The following SNAP91 variants were observed in gnomAD, a reference collection of about 807,000 sequenced individuals.
The protein encoded by SNAP91 is clathrin coat assembly protein AP180.
Under a neutral mutation model 100.3 loss-of-function variants are expected in SNAP91, and 27 were observed. The ratio of observed to expected loss-of-function variants is 0.27; its 90% CI spans 0.20 to 0.37. The LOEUF (loss-of-function observed/expected upper bound fraction) is 0.37. SNAP91 is among the 10% of genes least tolerant of loss of function. The probability of loss-of-function intolerance (pLI) is 1.00; values close to 1 mark genes in which losing one functional copy is unlikely to be tolerated. For missense variants in SNAP91, 986 were observed against 1,123.7 expected (o/e 0.88, Z 1.75); for synonymous variants, 404 against 398.6 (o/e 1.01, Z -0.16).
chr6:83,695,253 G>C lies in SNAP91; in HGVS notation c.130+12545C>G, dbSNP rs2099185686. Among the ~76,000 whole-genome samples the C allele has an allele frequency of 5.9e-5, 8 of 135,034 alleles. No individual in the cohort carries two copies. The Admixed American group carries it at 6.5e-4, about 11-fold the overall frequency. 88.6% of individuals were successfully genotyped at this position (135,034 alleles called of 152,430 possible). On this transcript the variant is annotated intron_variant, in intron 2 of 29. Coordinates refer to ENST00000369694, the MANE Select transcript of SNAP91 (RefSeq NM_001242792.2). ...GATTGAGCCACTGCACTCCAGCCTG[G>C]GTAACAGAGTGAGGCTCCATCTCAA... is the stretch of plus-strand genomic sequence containing the variant.
At chr6:83,587,321 C>G (rs2092872000) in intron 22 of SNAP91, among the ~76,000 whole-genome samples, 1 of 152,084 alleles carries the variant, frequency 6.6e-6, no homozygotes, top group South Asian at 2.1e-4. Flanking sequence ...TCCCTTTGAA[C>G]AGTCTAAACC....
At chr6:83,707,399 C>T (rs1022903141) in intron 2 of SNAP91, among the ~76,000 whole-genome samples, 3 of 145,604 alleles carry the variant, frequency 2.1e-5, no homozygotes, top group Non-Finnish European at 4.6e-5. Context: ...ATAAATTCAT[C>T]TTTTTTTTTT....
chr6:83,609,127 T>G (rs1250575510), intron 12 of SNAP91, among the ~76,000 whole-genome samples: 1 of 151,902 alleles, frequency 6.6e-6, no homozygotes, highest in African/African-American at 2.4e-5. Context: ...AAAATGAAAC[T>G]CTACAGAAGC....
chr6:83,624,401 T>G (rs961872926), intron 8 of SNAP91, among the ~76,000 whole-genome samples: 1 of 152,108 alleles, frequency 6.6e-6, no homozygotes, highest in Non-Finnish European at 1.5e-5. Flanking sequence ...AAAGTGTATC[T>G]CCTTGAGAAA....
chr6:83,683,225 G>A (rs1459876622), intron 2 of SNAP91, among the ~76,000 whole-genome samples: 2 of 152,016 alleles, frequency 1.3e-5, no homozygotes, highest in Non-Finnish European at 2.9e-5. Flanking sequence ...AATAATGGGT[G>A]TGCCTAAGAT....
At position 83,593,682 on chromosome 6, in the gene SNAP91, T is replaced by A. The variant is rs771199793; in HGVS notation, c.1492A>T (p.Met498Leu). The change falls in exon 18 of 30, where the codon ATG becomes TTG. Residue 498 changes from methionine (M) to leucine (L), a missense_variant. Coordinates refer to ENST00000369694, the MANE Select transcript of SNAP91 (RefSeq NM_001242792.2). The stretch of plus-strand genomic sequence containing the variant: ...GGAACACTGGTCTCAGGTGGCTTCA[T>A]TGCAAAGAGGTCCAGCTCAGGTGCA... ...EAAPELDLFAMKPPETSVPVV... is the reference protein window; with the variant it reads ...EAAPELDLFALKPPETSVPVV... 2 of 1,610,522 alleles carry A rather than the reference T, an allele frequency of 1.2e-6. No individual in the cohort carries two copies. Among genetic ancestry groups the A allele is most frequent in the Admixed American group, 1.7e-5 (1 of 59,934 alleles).
chr6:83,650,213 T>C (rs2098137033), intron 7 of SNAP91, among the ~76,000 whole-genome samples: 2 of 152,212 alleles, frequency 1.3e-5, no homozygotes, highest in South Asian at 4.1e-4. Flanking sequence ...GTAGTTTGCA[T>C]TTTCAATTTG....
chr6:83,678,729 C>T, intron 2 of SNAP91: 3 of 1,287,852 alleles, frequency 2.3e-6, no homozygotes, highest in African/African-American at 1.5e-5. Context: ...GAATCCTTGG[C>T]ACCATCTCCC....
intron 2 of SNAP91, among the ~76,000 whole-genome samples, chr6:83,684,041 C>T (rs1424384592): frequency 6.6e-6 from 1 of 152,116 alleles, no homozygotes; most frequent in Non-Finnish European, 1.5e-5. Context: ...CATTTTTCTC[C>T]TTCTATTTTT....
At chr6:83,625,184 C>T (rs983846863) in intron 8 of SNAP91, among the ~76,000 whole-genome samples, 4 of 152,016 alleles carry the variant, frequency 2.6e-5, no homozygotes, top group Non-Finnish European at 1.5e-5. Context: ...GATAATGGCC[C>T]CCAGCTACAT....
At position 83,592,965 on chromosome 6, in the gene SNAP91, G is replaced by A. The variant is rs1268892374; in HGVS notation, c.1827C>T (p.Leu609=). ...QGASPVPESS[L]TADLLSVDAF... Reference sequence around the variant, plus strand: ...ACTCACCAGATAAGAGGTCAGCAGTGAGAGAACTCTCAGGCACAGGAGAGG... The same window carrying A: ...ACTCACCAGATAAGAGGTCAGCAGTAAGAGAACTCTCAGGCACAGGAGAGG... The change falls in exon 20 of 30, where the codon CTC becomes CTT. Residue 609 remains leucine, a synonymous_variant. Coordinates refer to ENST00000369694, the MANE Select transcript of SNAP91 (RefSeq NM_001242792.2). 1 of 1,584,462 alleles carries A rather than the reference G, an allele frequency of 6.3e-7. No homozygotes were observed. The highest frequency in any genetic ancestry group is 8.6e-7 in the Non-Finnish European group (1 of 1,164,814).
chr6:83,594,298 A>G (rs2094203055), intron 17 of SNAP91, 76 bp downstream of exon 17: 2 of 1,102,922 alleles, frequency 1.8e-6, no homozygotes. Flanking sequence ...TTAGAAAAAC[A>G]TATGGCCTCT....
At chr6:83,633,810 C>T (rs2097309354) in intron 8 of SNAP91, among the ~76,000 whole-genome samples, 1 of 152,162 alleles carries the variant, frequency 6.6e-6, no homozygotes, top group Admixed American at 6.5e-5. Flanking sequence ...CAACTCCCAG[C>T]TGCGAAGGCA....
chr6:83,631,648 A>T (rs187406796), intron 8 of SNAP91, among the ~76,000 whole-genome samples: 1 of 152,226 alleles, frequency 6.6e-6, no homozygotes, highest in East Asian at 1.9e-4. Flanking sequence ...ATATAAGAAT[A>T]GCTCTTCCTG....
chr6:83,591,396 G>A, intron 21 of SNAP91, 102 bp from the exon 22 acceptor site: 3 of 730,862 alleles, frequency 4.1e-6, no homozygotes, highest in South Asian at 3.4e-5. Context: ...ACATGACAGT[G>A]TACAGTGAGC....
At chr6:83,706,866 A>G (rs2099389138) in intron 2 of SNAP91, among the ~76,000 whole-genome samples, 1 of 152,254 alleles carries the variant, frequency 6.6e-6, no homozygotes, top group African/African-American at 2.4e-5. Context: ...ATACACTCAT[A>G]TAGCCTGACT....
chr6:83,606,556 T>C (rs546185300), intron 13 of SNAP91, among the ~76,000 whole-genome samples: 1 of 152,318 alleles, frequency 6.6e-6, no homozygotes, highest in African/African-American at 2.4e-5. Flanking sequence ...AATCTTCATT[T>C]TAATAAGATG....
At chr6:83,666,238 T>A (rs1436756613) in intron 2 of SNAP91, among the ~76,000 whole-genome samples, 1 of 152,110 alleles carries the variant, frequency 6.6e-6, no homozygotes, top group Non-Finnish European at 1.5e-5. Flanking sequence ...AGTCCAGGTG[T>A]ATTTTTTAAA....
At chr6:83,560,819 A>G (rs746989198) in intron 27 of SNAP91, 45 bp downstream of exon 27, 14 of 1,524,096 alleles carry the variant, frequency 9.2e-6, no homozygotes, top group Non-Finnish European at 1.3e-5. Context: ...TTGGCAAATT[A>G]TTTAGAAATG....
Sources: allele counts gnomAD v4.1 joint callset (sites outside exome capture counted in the v4.1 genomes callset), GRCh38; gene constraint gnomAD v4.1.1; transcripts MANE v1.5; gene names NCBI Gene and HGNC (gene_info 2026-07-23, HGNC 2026-07-21).